Variants in PDZD2 observed in about 807,000 individuals in gnomAD.
PDZD2 encodes PDZ domain-containing protein 2.
Under a neutral mutation model 220.7 loss-of-function variants are expected in PDZD2, and 90 were observed. That is an observed-to-expected ratio of 0.41 (90% CI 0.34 to 0.49). PDZD2 has a LOEUF of 0.49. Ranked by LOEUF, PDZD2 falls within the 20% of genes least tolerant of loss-of-function variation. The probability of loss-of-function intolerance (pLI) is 0.28; values close to 1 mark genes in which losing one functional copy is unlikely to be tolerated. For missense variants in PDZD2, 3,174 were observed against 3,608.5 expected, an observed-to-expected ratio of 0.88 and a Z score of 3.08; for synonymous variants, 1,375 against 1,450.5, an observed-to-expected ratio of 0.95 and a Z score of 1.18.
chr5:31,859,983 G>C (rs62361582), intron 2 of PDZD2, among the ~76,000 whole-genome samples: 1 of 152,114 alleles, frequency 6.6e-6, no homozygotes, highest in Non-Finnish European at 1.5e-5. Context: ...TGTAGGATTA[G>C]CTCATTGGTG....
At chr5:32,059,207 T>C in intron 12 of PDZD2, 32 bp from the exon 13 acceptor site, 2 of 1,248,614 alleles carry the variant, frequency 1.6e-6, no homozygotes, top group Non-Finnish European at 2.3e-6. Context: ...GTAATTTTTG[T>C]TTTTATTTTC....
At chr5:31,918,766 T>C (rs940363971) in intron 2 of PDZD2, among the ~76,000 whole-genome samples, 12 of 151,940 alleles carry the variant, frequency 7.9e-5, no homozygotes, top group African/African-American at 2.9e-4. Flanking sequence ...CAAGATCTCA[T>C]TGATGGCACC....
At chr5:31,645,485 T>C (rs1399717173) in intron 1 of PDZD2, among the ~76,000 whole-genome samples, 2 of 152,088 alleles carry the variant, frequency 1.3e-5, no homozygotes, top group Non-Finnish European at 2.9e-5. Context: ...TACAGGTGCG[T>C]GCCACCACAC....
At chr5:31,842,463 A>G (rs946132136) in intron 2 of PDZD2, among the ~76,000 whole-genome samples, 2 of 152,170 alleles carry the variant, frequency 1.3e-5, no homozygotes, top group African/African-American at 4.8e-5. Flanking sequence ...ATCCCCAGTC[A>G]ACCACACAGC....
intron 2 of PDZD2, among the ~76,000 whole-genome samples, chr5:31,827,479 G>A (rs2150263790): frequency 1.3e-5 from 2 of 152,204 alleles, no homozygotes; most frequent in East Asian, 3.9e-4. Flanking sequence ...GATCACTTGA[G>A]ATCAGGAGTT....
chr5:31,779,054 C>G (rs1057420551), intron 1 of PDZD2, among the ~76,000 whole-genome samples: 1 of 152,134 alleles, frequency 6.6e-6, no homozygotes, highest in African/African-American at 2.4e-5. Flanking sequence ...ATATCTCTCT[C>G]TTGCTTAAAA....
intron 24 of PDZD2, among the ~76,000 whole-genome samples, chr5:32,101,943 G>A (rs1744291748): frequency 6.6e-6 from 1 of 152,138 alleles, no homozygotes; most frequent in East Asian, 1.9e-4. Flanking sequence ...CCCATTTAAA[G>A]TTACAGTATG....
chr5:31,652,719 A>G (rs1174675430), intron 1 of PDZD2, among the ~76,000 whole-genome samples: 1 of 152,168 alleles, frequency 6.6e-6, no homozygotes, highest in Non-Finnish European at 1.5e-5. Context: ...CATTGCTTCA[A>G]GAACATAGTG....
intron 2 of PDZD2, among the ~76,000 whole-genome samples, chr5:31,879,907 C>A (rs370433824): frequency 7.2e-6 from 1 of 139,698 alleles, no homozygotes; most frequent in African/African-American, 2.7e-5. Context: ...TTAGCAATAC[C>A]TGCCTTTTTT....
At chr5:31,754,289 A>T in intron 1 of PDZD2, 1 of 152,398 alleles carries the variant, frequency 6.6e-6, no homozygotes, top group Non-Finnish European at 1.5e-5. Flanking sequence ...ATGGAACCAC[A>T]GGGATGAGAG....
At chr5:31,933,783 C>T (rs1375931134) in intron 2 of PDZD2, among the ~76,000 whole-genome samples, 1 of 152,156 alleles carries the variant, frequency 6.6e-6, no homozygotes, top group Non-Finnish European at 1.5e-5. Context: ...CAGTGATCTT[C>T]AGGGTCCCTC....
intron 1 of PDZD2, among the ~76,000 whole-genome samples, chr5:31,779,467 C>T (rs1025937500): frequency 9.0e-4 from 63 of 70,354 alleles, no homozygotes; most frequent in Non-Finnish European, 1.3e-3. Context: ...CTCCACCTCC[C>T]GGATCACGCC....
Position 31,799,510 on chromosome 5 carries a change from G to A in PDZD2, c.262G>A (p.Gly88Arg). 1 of 1,614,192 alleles carries A rather than the reference G, an allele frequency of 6.2e-7. No homozygotes were observed. Among genetic ancestry groups the A allele is most frequent in the Non-Finnish European group, 8.5e-7 (1 of 1,180,036 alleles). ...CACAGAGACTGTGGGCCTGAGTTTT[G>A]GGAACATCCCTGTTTTCGGGGACTA... is the stretch of plus-strand genomic sequence containing the variant. Reference protein sequence around the residue: ...GDTETVGLSFGNIPVFGDYGE... With the variant: ...GDTETVGLSFRNIPVFGDYGE... The change falls in exon 2 of 25, where the codon GGG becomes AGG. Residue 88 changes from glycine to arginine, a missense_variant. Transcript: ENST00000438447.
At chr5:31,860,414 G>A (rs1055835701) in intron 2 of PDZD2, among the ~76,000 whole-genome samples, 5 of 152,166 alleles carry the variant, frequency 3.3e-5, no homozygotes, top group Admixed American at 3.3e-4. Context: ...GTTACCACTA[G>A]TTTGTCTACA....
At chr5:31,760,570 G>A (rs1307755386) in intron 1 of PDZD2, among the ~76,000 whole-genome samples, 2 of 152,156 alleles carry the variant, frequency 1.3e-5, no homozygotes, top group Admixed American at 6.6e-5. Context: ...TCTTTATGTT[G>A]TCCACTCATG....
At chr5:31,648,891 TATGGGTTTGGATAAATGTATAATGTC>T (rs1191779821) in intron 1 of PDZD2, among the ~76,000 whole-genome samples, 1 of 151,976 alleles carries the variant, frequency 6.6e-6, no homozygotes, top group East Asian at 1.9e-4. Context: ...TCTTACATTC[TATGGGTTTGGATAAATGTATAATGTC>T]ATGGGTTTGG....
At chr5:31,804,758 G>A (rs949157475) in intron 2 of PDZD2, among the ~76,000 whole-genome samples, 1 of 152,148 alleles carries the variant, frequency 6.6e-6, no homozygotes, top group Non-Finnish European at 1.5e-5. Context: ...TAATTTCATG[G>A]ATGGTTTACA....
At chr5:31,869,007 A>C (rs1200955943) in intron 2 of PDZD2, among the ~76,000 whole-genome samples, 1 of 152,166 alleles carries the variant, frequency 6.6e-6, no homozygotes, top group African/African-American at 2.4e-5. Flanking sequence ...TCCTGGCCTC[A>C]AATGATCTGC....
intron 1 of PDZD2, among the ~76,000 whole-genome samples, chr5:31,774,003 C>A (rs980211691): frequency 4.6e-5 from 7 of 152,078 alleles, no homozygotes; most frequent in African/African-American, 1.7e-4. Context: ...CCACAGAGTC[C>A]CAGGGTGACC....
Sources: gnomAD v4.1 joint callset for allele counts (sites outside exome capture counted in the v4.1 genomes callset) on GRCh38, gnomAD v4.1.1 for gene constraint, MANE v1.5 for transcripts, NCBI Gene and HGNC (gene_info 2026-07-23, HGNC 2026-07-21) for gene names.